Variants in SUCLG2 observed in about 807,000 individuals in gnomAD.
SUCLG2 encodes succinate--CoA ligase [GDP-forming] subunit beta, mitochondrial.
SUCLG2 carries 42 observed loss-of-function variants against 47.9 expected under a neutral mutation model. The observed-to-expected ratio is 0.88, with a 90% CI of 0.69 to 1.14. The LOEUF is 1.14. SUCLG2 is among the 50% of genes most tolerant of loss of function. The pLI is 0.00. For synonymous variants in SUCLG2, 195 were observed against 197.3 expected (o/e 0.99, Z 0.10); for missense variants, 571 against 525.9 (o/e 1.09, Z -0.84).
At chr3:67,547,930 C>T (rs1706911057) in intron 2 of SUCLG2, among the ~76,000 whole-genome samples, 1 of 152,152 alleles carries the variant, frequency 6.6e-6, no homozygotes, top group African/African-American at 2.4e-5. Flanking sequence ...AAAGTTTCTA[C>T]CGAAGGACGA....
At chr3:67,384,895 T>C (rs1372854879) in intron 10 of SUCLG2, among the ~76,000 whole-genome samples, 1 of 152,220 alleles carries the variant, frequency 6.6e-6, no homozygotes, top group Non-Finnish European at 1.5e-5. Flanking sequence ...AGATGAAAGC[T>C]GTCTTCCCTC....
At chr3:67,467,455 G>A (rs2106974065) in intron 9 of SUCLG2, among the ~76,000 whole-genome samples, 1 of 152,204 alleles carries the variant, frequency 6.6e-6, no homozygotes, top group South Asian at 2.1e-4. Context: ...GCCTTCACGT[G>A]GAAAAAAGAT....
chr3:67,529,088 C>G lies in SUCLG2; in HGVS notation c.325G>C (p.Asp109His), dbSNP rs1706332796. The G allele has an allele frequency of 6.2e-7, 1 of 1,609,914 alleles. No individual in the cohort carries two copies. Among genetic ancestry groups the G allele is most frequent in the African/African-American group, 1.3e-5 (1 of 74,834 alleles). Residue 109 changes from aspartate (D) to histidine (H), a missense_variant and splice_region_variant, in exon 3 of 11, where the codon GAC (aspartate) becomes CAC (histidine). Coordinates refer to ENST00000307227, the MANE Select transcript of SUCLG2 (RefSeq NM_003848.4). Reference protein sequence around the residue: ...GLKGGVHLTKDPNVVGQLAKQ... With the variant: ...GLKGGVHLTKHPNVVGQLAKQ... The stretch of plus-strand genomic sequence containing the variant: ...AGGAATAACAACCTCCAGACTTACT[C>G]TTTTGTTAAATGAACACCTCCTTTC...
chr3:67,647,528 C>T (rs1176524536), intron 1 of SUCLG2, among the ~76,000 whole-genome samples: 2 of 152,232 alleles, frequency 1.3e-5, no homozygotes, highest in African/African-American at 4.8e-5. Context: ...GTGCTAAGCA[C>T]ACAGTGAAAG....
At chr3:67,538,483 C>A (rs1366568045) in intron 2 of SUCLG2, among the ~76,000 whole-genome samples, 1 of 152,134 alleles carries the variant, frequency 6.6e-6, no homozygotes, top group African/African-American at 2.4e-5. Flanking sequence ...AGTTTGAAGT[C>A]AGGTAGAGTG....
chr3:67,462,672 C>T (rs1015704612), intron 9 of SUCLG2, among the ~76,000 whole-genome samples: 1 of 152,168 alleles, frequency 6.6e-6, no homozygotes, highest in Non-Finnish European at 1.5e-5. Context: ...TTAGTATTTA[C>T]CTGAGTTTTG....
chr3:67,514,052 C>A, intron 6 of SUCLG2: 1 of 357,028 alleles, frequency 2.8e-6, no homozygotes. Flanking sequence ...GAGCGGTTGG[C>A]CATAAGAGCA....
intron 10 of SUCLG2, among the ~76,000 whole-genome samples, chr3:67,398,839 T>C (rs367835568): frequency 3.9e-5 from 6 of 152,012 alleles, no homozygotes; most frequent in South Asian, 2.1e-4. Context: ...TACTATGCAG[T>C]CATAAAAAAT....
intron 9 of SUCLG2, chr3:67,408,624 T>A: frequency 2.9e-6 from 3 of 1,022,944 alleles, no homozygotes; most frequent in Non-Finnish European, 2.3e-6. Context: ...CTAATTAGAC[T>A]CCAATCTGTC....
At position 67,471,149 on chromosome 3, in the gene SUCLG2, T is replaced by G. The variant is rs549832586; in HGVS notation, c.1062+24649A>C. Among the ~76,000 whole-genome samples, 4 of 152,260 alleles carry G rather than the reference T, an allele frequency of 2.6e-5. No individual in the cohort carries two copies. In the East Asian group the frequency reaches 7.7e-4, roughly 29 times the overall value. On this transcript the variant is annotated intron_variant, in intron 9 of 10. Coordinates refer to ENST00000307227, the MANE Select transcript of SUCLG2 (RefSeq NM_003848.4). ...GTGTATCCTCTAGATAAGAAAGAGT[T>G]ATTGGAGAAATGATTATTTAAATCA...
intron 9 of SUCLG2, among the ~76,000 whole-genome samples, chr3:67,437,883 G>A (rs752899917): frequency 3.9e-5 from 6 of 152,074 alleles, no homozygotes; most frequent in Non-Finnish European, 7.4e-5. Context: ...GTAGTGTGAT[G>A]GTTTTAAGGA....
chr3:67,443,917 A>T (rs1703843575), intron 9 of SUCLG2, among the ~76,000 whole-genome samples: 2 of 90,446 alleles, frequency 2.2e-5, no homozygotes, highest in African/African-American at 3.7e-5. Context: ...CTGGGAAGTG[A>T]GGAGCGTCTC....
intron 9 of SUCLG2, among the ~76,000 whole-genome samples, chr3:67,426,384 C>T (rs951982825): frequency 3.9e-5 from 6 of 152,104 alleles, no homozygotes; most frequent in African/African-American, 1.4e-4. Flanking sequence ...CTAATAATGG[C>T]TCTGCACAAA....
intron 1 of SUCLG2, among the ~76,000 whole-genome samples, chr3:67,617,402 T>C (rs1265610436): frequency 6.6e-6 from 1 of 152,186 alleles, no homozygotes; most frequent in Admixed American, 6.5e-5. Flanking sequence ...CCTAAGCCTA[T>C]GGAAAGGAAA....
intron 2 of SUCLG2, among the ~76,000 whole-genome samples, chr3:67,594,308 C>T (rs944224098): frequency 4.6e-5 from 7 of 152,210 alleles, no homozygotes; most frequent in African/African-American, 1.7e-4. Context: ...AGCACAAAGC[C>T]TTATATGATC....
At chr3:67,360,799 T>C in intron 10 of SUCLG2, 1 of 1,483,916 alleles carries the variant, frequency 6.7e-7, no homozygotes, top group Non-Finnish European at 8.9e-7. Context: ...TTGTAATGAG[T>C]TTTTTCTTGC....
chr3:67,632,478 T>C (rs1405171092), intron 1 of SUCLG2, among the ~76,000 whole-genome samples: 1 of 152,132 alleles, frequency 6.6e-6, no homozygotes, highest in Non-Finnish European at 1.5e-5. Flanking sequence ...CCACAGTGCC[T>C]GGCCCAAAGC....
chr3:67,484,328 T>C (rs1704997138), intron 9 of SUCLG2, among the ~76,000 whole-genome samples: 1 of 152,210 alleles, frequency 6.6e-6, no homozygotes, highest in Non-Finnish European at 1.5e-5. Context: ...GCCTGGAAAC[T>C]GAATCGTTTC....
intron 2 of SUCLG2, among the ~76,000 whole-genome samples, chr3:67,547,829 G>T (rs768520022): frequency 3.2e-4 from 48 of 152,206 alleles, no homozygotes; most frequent in Non-Finnish European, 6.3e-4. Flanking sequence ...ACAGCAAGGG[G>T]GATCCATGAA....
Sources: allele counts gnomAD v4.1 joint callset (sites outside exome capture counted in the v4.1 genomes callset), GRCh38; gene constraint gnomAD v4.1.1; transcripts MANE v1.5; gene names NCBI Gene and HGNC (gene_info 2026-07-23, HGNC 2026-07-21).